The following SEPTIN9 variants were observed in gnomAD, a reference collection of about 807,000 sequenced individuals.
SEPTIN9 encodes the protein septin-9.
In SEPTIN9, 13 loss-of-function variants were observed where a neutral mutation model predicts 56.6. The ratio of observed to expected loss-of-function variants is 0.23; its 90% confidence interval spans 0.15 to 0.37. The LOEUF (loss-of-function observed/expected upper bound fraction) is 0.37. SEPTIN9 is among the 10% of genes least tolerant of loss of function. The pLI, the probability that SEPTIN9 is intolerant of heterozygous loss-of-function variation, is 1.00. For synonymous variants in SEPTIN9, 332 were observed against 334.1 expected, an observed-to-expected ratio of 0.99 and a Z score of 0.07; for missense variants, 650 against 823.1, an observed-to-expected ratio of 0.79 and a Z score of 2.57.
intron 2 of SEPTIN9, among the ~76,000 whole-genome samples, chr17:77,364,285 C>T (rs754043284): frequency 1.3e-5 from 2 of 152,208 alleles, no homozygotes; most frequent in East Asian, 1.9e-4. Flanking sequence ...AAGAGGGGTG[C>T]GGCATGGGGG....
Position 77,421,342 on chromosome 17 carries a change from G to T in SEPTIN9, c.721+18639G>T, listed in dbSNP as rs2036695319. On this transcript the variant is annotated intron_variant, in intron 3 of 11. Transcript: ENST00000427177. The surrounding 1 kb of genome is among the most constrained non-coding windows in gnomAD (Gnocchi z 4.6). ...TTGGAACCGCATTTCTCTCCCCCCA[G>T]TCACAGCTGCCAGGAGCTCATCTTT... Among the ~76,000 whole-genome samples, 1 of 152,194 alleles carries T rather than the reference G, an allele frequency of 6.6e-6. No individual in the cohort carries two copies. Among genetic ancestry groups the T allele is most frequent in the Admixed American group, 6.5e-5 (1 of 15,278 alleles).
intron 2 of SEPTIN9, among the ~76,000 whole-genome samples, chr17:77,392,082 G>A (rs371524908): frequency 7.2e-5 from 11 of 152,332 alleles, no homozygotes; most frequent in Admixed American, 4.6e-4. Flanking sequence ...CGTGCAGAGG[G>A]AAGGAGGAGG....
intron 3 of SEPTIN9, among the ~76,000 whole-genome samples, chr17:77,471,618 C>T (rs1422228737): frequency 6.6e-6 from 1 of 152,282 alleles, no homozygotes; most frequent in African/African-American, 2.4e-5. Context: ...CTGGGCCCTG[C>T]CCTCCCCAAC....
intron 2 of SEPTIN9, among the ~76,000 whole-genome samples, chr17:77,362,351 G>A (rs1447834456): frequency 6.6e-6 from 1 of 152,230 alleles, no homozygotes; most frequent in African/African-American, 2.4e-5. Context: ...TTCCCACCCT[G>A]TTGCTGAAGG....
intron 3 of SEPTIN9, among the ~76,000 whole-genome samples, chr17:77,468,200 G>A (rs536452543): frequency 6.6e-6 from 1 of 152,328 alleles, no homozygotes; most frequent in Non-Finnish European, 1.5e-5. Flanking sequence ...GGGAGGCAGA[G>A]CTTGCAGTGA....
chr17:77,464,558 C>T (rs185367475), intron 3 of SEPTIN9, among the ~76,000 whole-genome samples: 10 of 152,086 alleles, frequency 6.6e-5, no homozygotes, highest in East Asian at 1.9e-4. Context: ...AATGTTTGAC[C>T]GGTTACCTAG....
intron 2 of SEPTIN9, among the ~76,000 whole-genome samples, chr17:77,311,716 G>A (rs1298020886): frequency 3.9e-5 from 6 of 152,174 alleles, no homozygotes; most frequent in African/African-American, 1.2e-4. Flanking sequence ...CCAGGGCACC[G>A]TGCCACGTTG....
intron 2 of SEPTIN9, among the ~76,000 whole-genome samples, chr17:77,393,146 T>C (rs1443121614): frequency 6.6e-6 from 1 of 152,096 alleles, no homozygotes; most frequent in Non-Finnish European, 1.5e-5. Context: ...AGTGTGGGAA[T>C]GGGCCAGGCA....
At chr17:77,287,397 C>A (rs1349459907) in intron 1 of SEPTIN9, among the ~76,000 whole-genome samples, 1 of 152,224 alleles carries the variant, frequency 6.6e-6, no homozygotes, top group East Asian at 1.9e-4. Flanking sequence ...ACTGGAGCGG[C>A]CCTGCTGAGC....
chr17:77,329,838 A>G lies in SEPTIN9; in HGVS notation c.76+22641A>G, dbSNP rs1051739286. Among the ~76,000 whole-genome samples, 42 of 152,142 alleles carry G rather than the reference A, an allele frequency of 2.8e-4. No individual in the cohort carries two copies. The highest frequency in any genetic ancestry group is 2.0e-4 in the Admixed American group (3 of 15,284). On this transcript the variant is annotated intron_variant, in intron 2 of 11. Coordinates refer to ENST00000427177, the MANE Select transcript of SEPTIN9 (RefSeq NM_001113491.2). This position sits in a 1 kb window ranked among gnomAD's most constrained non-coding sequence, Gnocchi z 4.3. ...TGGGGTGAGGCAGAACCTCCCTCCC[A>G]TATTTACAGCACCAGCCAAGGCTTC...
chr17:77,311,100 G>A (rs1269194309), intron 2 of SEPTIN9, among the ~76,000 whole-genome samples: 1 of 152,070 alleles, frequency 6.6e-6, no homozygotes. Flanking sequence ...CCAACAACTG[G>A]TGTCCTTAAA....
intron 10 of SEPTIN9, chr17:77,493,323 G>T (rs1429300683): frequency 1.3e-5 from 7 of 534,714 alleles, no homozygotes; most frequent in Non-Finnish European, 2.4e-5. Context: ...GACAGGAGCT[G>T]GGATGGGGGC....
intron 3 of SEPTIN9, among the ~76,000 whole-genome samples, chr17:77,424,151 A>C (rs1015888273): frequency 6.6e-6 from 1 of 152,234 alleles, no homozygotes; most frequent in Non-Finnish European, 1.5e-5. Flanking sequence ...TCGAAGCTTT[A>C]TGCGCTTCAT....
intron 3 of SEPTIN9, among the ~76,000 whole-genome samples, chr17:77,432,445 G>A (rs1239448110): frequency 1.3e-5 from 2 of 152,224 alleles, no homozygotes; most frequent in Non-Finnish European, 2.9e-5. Flanking sequence ...GGCCCCGTCT[G>A]TGTCAGGCCT....
chr17:77,301,489 ATCTCGGCTCACTGCAACCTCCGCC>A (rs2143568868), intron 1 of SEPTIN9, among the ~76,000 whole-genome samples: 1 of 151,638 alleles, frequency 6.6e-6, no homozygotes, highest in Admixed American at 6.6e-5. Context: ...CAATGGCACG[ATCTCGGCTCACTGCAACCTCCGCC>A]TCTCGGGCTC....
At chr17:77,350,991 G>A (rs1048214711) in intron 2 of SEPTIN9, among the ~76,000 whole-genome samples, 2 of 144,774 alleles carry the variant, frequency 1.4e-5, no homozygotes, top group East Asian at 1.9e-4. Flanking sequence ...GTGTGTGCAC[G>A]TGTGGACCTG....
At chr17:77,406,702 T>G (rs2898647) in intron 3 of SEPTIN9, among the ~76,000 whole-genome samples, 51,525 of 151,482 alleles carry the variant, frequency 0.34, 9,208 homozygotes, top group Non-Finnish European at 0.41. Flanking sequence ...ATGGAGTCTC[T>G]CTCTATCACC....
chr17:77,464,195 T>G (rs2038605518), intron 3 of SEPTIN9, among the ~76,000 whole-genome samples: 1 of 152,098 alleles, frequency 6.6e-6, no homozygotes, highest in African/African-American at 2.4e-5. Context: ...AGTCTTAGCC[T>G]CCTGAGTTTA....
chr17:77,438,594 TGGAAGGA>T (rs1029772785), intron 3 of SEPTIN9, among the ~76,000 whole-genome samples: 3 of 152,070 alleles, frequency 2.0e-5, no homozygotes, highest in Non-Finnish European at 2.9e-5. Flanking sequence ...GGGAGAGGCT[TGGAAGGA>T]GGAAGGAGGC....
Sources: allele counts gnomAD v4.1 joint callset (sites outside exome capture counted in the v4.1 genomes callset), GRCh38; gene constraint gnomAD v4.1.1; non-coding constraint Gnocchi (gnomAD v3.1); transcripts MANE v1.5; gene names NCBI Gene and HGNC (gene_info 2026-07-23, HGNC 2026-07-21).